The following PDE4D variants were observed in gnomAD, a reference collection of about 807,000 sequenced individuals.
PDE4D encodes 3',5'-cyclic-AMP phosphodiesterase 4D.
Under a neutral mutation model 87.4 loss-of-function variants are expected in PDE4D, and 24 were observed. The ratio of observed to expected loss-of-function variants is 0.27; its 90% CI spans 0.20 to 0.39. The LOEUF (loss-of-function observed/expected upper bound fraction) is 0.39, where lower values mean the gene tolerates loss of function less well. Ranked by LOEUF, PDE4D falls within the 10% of genes least tolerant of loss-of-function variation. The pLI, the probability that PDE4D is intolerant of heterozygous loss-of-function variation, is 1.00. For synonymous variants in PDE4D, 384 were observed against 383.2 expected, an observed-to-expected ratio of 1.00 and a Z score of -0.02; for missense variants, 714 against 1,041.0, an observed-to-expected ratio of 0.69 and a Z score of 4.32.
intron 1 of PDE4D, among the ~76,000 whole-genome samples, chr5:59,741,245 A>G (rs1428150167): frequency 1.3e-5 from 2 of 152,242 alleles, no homozygotes; most frequent in East Asian, 3.9e-4. Context: ...CCTGAACCTC[A>G]GTTTTATCAT....
chr5:59,773,133 G>T (rs557723980), intron 1 of PDE4D, among the ~76,000 whole-genome samples: 1 of 152,294 alleles, frequency 6.6e-6, no homozygotes, highest in South Asian at 2.1e-4. Flanking sequence ...ACACTTAGTA[G>T]ATATCAATTA....
In PDE4D at chr5:60,048,559, T is replaced by C. The variant is rs557722304; in HGVS notation, c.43-59842A>G. Among the ~76,000 whole-genome samples, 1,058 of 152,292 alleles carry C rather than the reference T, an allele frequency of 6.9e-3. 10 individuals are homozygous for C. Among genetic ancestry groups the C allele is most frequent in the African/African-American group, 0.024 (1,007 of 41,558 alleles). The stretch of plus-strand genomic sequence containing the variant: ...TTCAGGAGCTCTTTTAGGGCATGCC[T>C]GGTGGTGACAAAATCTCTCAGCATT... On this transcript the variant is annotated intron_variant, in intron 2 of 16. Coordinates refer to the PDE4D transcript ENST00000502484.
At chr5:60,363,449 C>CA (rs1760255944) in intron 1 of PDE4D, among the ~76,000 whole-genome samples, 1 of 152,144 alleles carries the variant, frequency 6.6e-6, no homozygotes, top group Non-Finnish European at 1.5e-5. Flanking sequence ...TGAATGTGGG[C>CA]AAATTGTAAT....
At chr5:59,897,000 G>T (rs922652884), upstream of PDE4D, among the ~76,000 whole-genome samples, 1 of 152,158 alleles carries the variant, frequency 6.6e-6, no homozygotes, top group Non-Finnish European at 1.5e-5. Flanking sequence ...GTTGACCATA[G>T]ATTTTGGAGT....
chr5:59,947,930 C>G (rs988469649), intron 3 of PDE4D, among the ~76,000 whole-genome samples: 5 of 152,102 alleles, frequency 3.3e-5, no homozygotes, highest in African/African-American at 9.7e-5. Flanking sequence ...TCACTTGAAC[C>G]CAAGAGGTGG....
At chr5:59,204,307 G>A (rs1015322288) in intron 2 of PDE4D, among the ~76,000 whole-genome samples, 8 of 151,934 alleles carry the variant, frequency 5.3e-5, no homozygotes, top group African/African-American at 1.2e-4. Context: ...TGAAGTTTAC[G>A]CAACATAAGC....
At chr5:59,175,167 C>T (rs1376701879) in intron 5 of PDE4D, among the ~76,000 whole-genome samples, 1 of 152,170 alleles carries the variant, frequency 6.6e-6, no homozygotes, top group African/African-American at 2.4e-5. Context: ...CTCTTTGCCA[C>T]CCTCTCATGT....
intron 1 of PDE4D, among the ~76,000 whole-genome samples, chr5:59,708,869 A>G (rs1222539340): frequency 6.6e-6 from 1 of 151,854 alleles, no homozygotes; most frequent in Admixed American, 6.6e-5. Context: ...GTTTATGTCA[A>G]TAGCATTGGC....
intron 1 of PDE4D, among the ~76,000 whole-genome samples, chr5:59,802,734 T>G (rs550662192): frequency 1.3e-4 from 20 of 152,148 alleles, no homozygotes; most frequent in African/African-American, 4.8e-4. Context: ...AGAATTCATT[T>G]TATCAGTATG....
At chr5:59,697,868 T>TCTAG (rs1178881905) in intron 1 of PDE4D, among the ~76,000 whole-genome samples, 3 of 152,194 alleles carry the variant, frequency 2.0e-5, no homozygotes, top group Non-Finnish European at 4.4e-5. Flanking sequence ...TCCCAATGGA[T>TCTAG]CTAGCCCTTG....
chr5:59,749,202 GTTC>G (rs1188660554), intron 1 of PDE4D, among the ~76,000 whole-genome samples: 2 of 152,156 alleles, frequency 1.3e-5, no homozygotes, highest in Non-Finnish European at 2.9e-5. Context: ...TCAATTCTCA[GTTC>G]TTATTTTAGT....
intron 5 of PDE4D, chr5:59,180,385 C>T (rs1353080865): frequency 1.4e-6 from 1 of 705,670 alleles, no homozygotes; most frequent in Non-Finnish European, 2.6e-6. Context: ...AAATAATGTA[C>T]ATCAGTAAAA....
At chr5:59,509,622 T>C (rs1197594200) in intron 1 of PDE4D, among the ~76,000 whole-genome samples, 1 of 151,248 alleles carries the variant, frequency 6.6e-6, no homozygotes, top group Admixed American at 6.6e-5. Context: ...CAGCCTTAAG[T>C]TACATATTTG....
intron 1 of PDE4D, among the ~76,000 whole-genome samples, chr5:60,419,024 T>C (rs58224215): frequency 0.044 from 6,645 of 152,198 alleles, 471 homozygotes; most frequent in African/African-American, 0.15. Flanking sequence ...TCAGCATTCC[T>C]CCCATACATT....
At chr5:59,200,675 ACACG>A (rs1190065222) in intron 2 of PDE4D, among the ~76,000 whole-genome samples, 4 of 105,732 alleles carry the variant, frequency 3.8e-5, no homozygotes, top group East Asian at 2.4e-4. Flanking sequence ...ATGTATAGAT[ACACG>A]TATACATACA....
chr5:59,168,556 C>T (rs772243185), intron 5 of PDE4D, among the ~76,000 whole-genome samples: 6 of 152,172 alleles, frequency 3.9e-5, no homozygotes, highest in Non-Finnish European at 8.8e-5. Flanking sequence ...TTTAGGGTTT[C>T]CCAAAGAGTT....
At chr5:59,417,935 A>G (rs244565) in intron 1 of PDE4D, among the ~76,000 whole-genome samples, 84,116 of 152,000 alleles carry the variant, frequency 0.55, 23,498 homozygotes, top group South Asian at 0.7. Flanking sequence ...CAAAAACAAC[A>G]ACAATAACAA....
chr5:59,832,663 C>T (rs1223096978), intron 1 of PDE4D, among the ~76,000 whole-genome samples: 1 of 151,942 alleles, frequency 6.6e-6, no homozygotes, highest in East Asian at 1.9e-4. Context: ...TCTCAAAAGC[C>T]TAAACATTTA....
chr5:59,753,935 ACT>A (rs1380888475), intron 1 of PDE4D, among the ~76,000 whole-genome samples: 12 of 152,316 alleles, frequency 7.9e-5, no homozygotes, highest in Admixed American at 5.9e-4. Flanking sequence ...AGCTGGTCCA[ACT>A]CTGACTTTTC....
Sources: gnomAD v4.1 joint callset for allele counts (sites outside exome capture counted in the v4.1 genomes callset) on GRCh38, gnomAD v4.1.1 for gene constraint, MANE v1.5 for transcripts, NCBI Gene and HGNC (gene_info 2026-07-23, HGNC 2026-07-21) for gene names.